Variants in FANCC observed in about 807,000 individuals in gnomAD.
FANCC encodes Fanconi anemia group C protein.
Under a neutral mutation model 71.3 loss-of-function variants are expected in FANCC, and 55 were observed. The observed-to-expected ratio is 0.77, with a 90% CI of 0.62 to 0.97. The LOEUF is 0.97. FANCC is among the 50% of genes least tolerant of loss of function. The pLI, the probability that FANCC is intolerant of heterozygous loss-of-function variation, is 0.00. For missense variants in FANCC, 678 were observed against 670.9 expected (o/e 1.01, Z -0.12); for synonymous variants, 275 against 244.9 (o/e 1.12, Z -1.15).
At chr9:95,151,193 C>G (rs1171309281) in intron 6 of FANCC, among the ~76,000 whole-genome samples, 3 of 152,300 alleles carry the variant, frequency 2.0e-5, no homozygotes, top group South Asian at 2.1e-4. Flanking sequence ...TTATAGTACT[C>G]ATGGTTCGCT....
intron 6 of FANCC, among the ~76,000 whole-genome samples, chr9:95,161,798 C>T (rs1037674563): frequency 1.1e-4 from 16 of 152,014 alleles, no homozygotes; most frequent in Admixed American, 3.9e-4. Flanking sequence ...CTCTTCCTCC[C>T]ATCCCAAGGT....
chr9:95,293,098 G>A, intron 1 of FANCC: 4 of 1,612,694 alleles, frequency 2.5e-6, no homozygotes, highest in East Asian at 2.2e-5. Flanking sequence ...CCCTAGACCA[G>A]ACACCCAAGA....
intron 1 of FANCC, chr9:95,292,627 G>T: frequency 7.0e-7 from 1 of 1,423,328 alleles, no homozygotes; most frequent in African/African-American, 1.4e-5. Context: ...CTGCCCAACA[G>T]CCCCGCGCTC....
chr9:95,292,351 A>AGGCGGT (rs1346786525), intron 1 of FANCC: 10 of 934,420 alleles, frequency 1.1e-5, no homozygotes, highest in East Asian at 1.8e-4. Flanking sequence ...GCGGCCTCGG[A>AGGCGGT]GGCGGTGGCG....
chr9:95,304,691 A>T (rs988178275), intron 1 of FANCC, among the ~76,000 whole-genome samples: 1 of 142,162 alleles, frequency 7.0e-6, no homozygotes, highest in Non-Finnish European at 1.5e-5. Flanking sequence ...CGGAGGTTGC[A>T]GTGAGCCAAG....
chr9:95,103,899 A>C (rs1029338915), intron 14 of FANCC, among the ~76,000 whole-genome samples: 1 of 152,222 alleles, frequency 6.6e-6, no homozygotes, highest in Non-Finnish European at 1.5e-5. Context: ...AGGGCTCTGA[A>C]GAGAGATAGT....
chr9:95,206,675 A>T (rs1828141799), intron 4 of FANCC, among the ~76,000 whole-genome samples: 1 of 152,216 alleles, frequency 6.6e-6, no homozygotes, highest in South Asian at 2.1e-4. Context: ...ACCCCTTAAC[A>T]GATAGCTAAG....
At chr9:95,182,267 T>C (rs1364036960) in intron 4 of FANCC, among the ~76,000 whole-genome samples, 2 of 149,820 alleles carry the variant, frequency 1.3e-5, no homozygotes, top group African/African-American at 4.9e-5. Flanking sequence ...ACGCCTGTAA[T>C]CCCAGTACTT....
rs544545310 is a variant in FANCC at position 95,099,435 on chromosome 9, G to A, written c.*2272C>T. ...CCGTCAAGGCCCCCTCGGCCACGCCGCGTCCCCGCCCAGCATCTCGGATGC... is the reference window on the plus strand; with the variant it reads ...CCGTCAAGGCCCCCTCGGCCACGCCACGTCCCCGCCCAGCATCTCGGATGC... On this transcript the variant is annotated 3_prime_UTR_variant, in exon 15 of 15. Coordinates refer to ENST00000289081, the MANE Select transcript of FANCC (RefSeq NM_000136.3). 8.4e-5 allele frequency: 19 copies of A among 226,122 alleles called. No individual in the cohort carries two copies. Among genetic ancestry groups the A allele is most frequent in the East Asian group, 1.2e-4 (2 of 16,012 alleles). The allele number at this position is 226,122 out of a possible 1,614,324, so 14.0% of individuals were successfully genotyped here. A position where few individuals can be genotyped will look rare whatever the true frequency, so the allele number is the denominator to read the frequency against.
At chr9:95,287,800 G>C (rs1001368515) in intron 1 of FANCC, among the ~76,000 whole-genome samples, 1 of 152,112 alleles carries the variant, frequency 6.6e-6, no homozygotes, top group Non-Finnish European at 1.5e-5. Flanking sequence ...CAAAAAGGCA[G>C]GCATGTTCTA....
intron 1 of FANCC, among the ~76,000 whole-genome samples, chr9:95,306,477 T>G (rs752803401): frequency 1.3e-5 from 2 of 152,120 alleles, no homozygotes; most frequent in African/African-American, 4.8e-5. Flanking sequence ...AATGCTTCCA[T>G]AGGAAGCTTC....
intron 1 of FANCC, among the ~76,000 whole-genome samples, chr9:95,284,366 AGTTT>A (rs747698378): frequency 6.6e-6 from 1 of 152,238 alleles, no homozygotes; most frequent in African/African-American, 2.4e-5. Flanking sequence ...TGGATAAGAC[AGTTT>A]GGTCGGCTGT....
chr9:95,135,379 T>C lies in FANCC; in HGVS notation c.810A>G (p.Arg270=). ...AATCTTTTATAAAGCATTCGATCCT[T>C]CTCAGACAATTTCTCTCACTGGAGA... ...KLISSERNCL[R]RIECFIKDSS... The change falls in exon 8 of 15, where the codon AGA becomes AGG. Residue 270 remains arginine, a synonymous_variant. Transcript: ENST00000289081. The C allele has an allele frequency of 6.2e-7, 1 of 1,614,122 alleles. No individual in the cohort carries two copies. Among genetic ancestry groups the C allele is most frequent in the Non-Finnish European group, 8.5e-7 (1 of 1,180,028 alleles).
At chr9:95,268,933 T>A (rs780833087) in intron 1 of FANCC, among the ~76,000 whole-genome samples, 4 of 152,236 alleles carry the variant, frequency 2.6e-5, no homozygotes, top group Non-Finnish European at 4.4e-5. Flanking sequence ...GCCGATGCTA[T>A]GCTATAGCAC....
At chr9:95,243,440 T>C (rs1295441388) in intron 3 of FANCC, among the ~76,000 whole-genome samples, 1 of 152,140 alleles carries the variant, frequency 6.6e-6, no homozygotes, top group Non-Finnish European at 1.5e-5. Flanking sequence ...GAACACTACA[T>C]ATGACTTACT....
Position 95,304,759 on chromosome 9 carries a change from A to T in FANCC, c.-79+12767T>A, listed in dbSNP as rs1216642368. On this transcript the variant is annotated intron_variant, in intron 1 of 14. Coordinates refer to ENST00000289081, the MANE Select transcript of FANCC (RefSeq NM_000136.3). ...AGCAAGACTCTATCTCAAAAAAAAA[A>T]AAAAAAAAAAAAAAAAGGGAAAACA... Among the ~76,000 whole-genome samples the T allele has an allele frequency of 2.0e-5, 3 of 150,998 alleles. 1 individual carries two copies. The highest frequency in any genetic ancestry group is 7.3e-5 in the African/African-American group (3 of 41,206).
intron 3 of FANCC, among the ~76,000 whole-genome samples, chr9:95,241,996 A>C (rs1830661072): frequency 6.6e-6 from 1 of 152,214 alleles, no homozygotes; most frequent in Non-Finnish European, 1.5e-5. Context: ...TTAACAAAGA[A>C]ATAAGAACAA....
At chr9:95,260,585 A>T (rs1476285798) in intron 1 of FANCC, among the ~76,000 whole-genome samples, 1 of 150,952 alleles carries the variant, frequency 6.6e-6, no homozygotes, top group Non-Finnish European at 1.5e-5. Flanking sequence ...GAAATACCTA[A>T]TGTAGATGAC....
At chr9:95,236,438 T>A (rs1156645161) in intron 4 of FANCC, among the ~76,000 whole-genome samples, 2 of 152,228 alleles carry the variant, frequency 1.3e-5, no homozygotes, top group African/African-American at 4.8e-5. Context: ...GTCCCGGAAC[T>A]TCGTCTCTGA....
Sources: allele counts gnomAD v4.1 joint callset (sites outside exome capture counted in the v4.1 genomes callset), GRCh38; gene constraint gnomAD v4.1.1; transcripts MANE v1.5; gene names NCBI Gene and HGNC (gene_info 2026-07-23, HGNC 2026-07-21).